Variants in TC2N observed in about 807,000 individuals in gnomAD.
The protein encoded by TC2N is tandem C2 domains nuclear protein.
Under a neutral mutation model 61.9 loss-of-function variants are expected in TC2N, and 51 were observed. The observed-to-expected ratio is 0.82, with a 90% confidence interval of 0.66 to 1.04. The LOEUF (loss-of-function observed/expected upper bound fraction) is 1.04, where lower values mean the gene tolerates loss of function less well. TC2N is among the 50% of genes least tolerant of loss of function. The pLI is 0.00. For missense variants in TC2N, 556 were observed against 566.7 expected, an observed-to-expected ratio of 0.98 and a Z score of 0.19; for synonymous variants, 204 against 192.6, an observed-to-expected ratio of 1.06 and a Z score of -0.49.
At chr14:91,863,565 A>G (rs1379094786) in intron 1 of TC2N, among the ~76,000 whole-genome samples, 6 of 152,220 alleles carry the variant, frequency 3.9e-5, no homozygotes, top group Admixed American at 3.9e-4. Context: ...GTAGATTCAA[A>G]GATTTTTTGA....
chr14:91,799,837 G>C (rs993700582), intron 5 of TC2N, among the ~76,000 whole-genome samples: 1 of 151,910 alleles, frequency 6.6e-6, no homozygotes, highest in Non-Finnish European at 1.5e-5. Flanking sequence ...TAATAAAAAA[G>C]AAACATTTTT....
intron 1 of TC2N, among the ~76,000 whole-genome samples, chr14:91,817,482 T>C (rs1887058610): frequency 6.6e-6 from 1 of 152,058 alleles, no homozygotes; most frequent in Non-Finnish European, 1.5e-5. Flanking sequence ...CTGTCTCCCC[T>C]GTTAGAACAT....
At chr14:91,794,075 T>C (rs1164512906) in intron 8 of TC2N, among the ~76,000 whole-genome samples, 1 of 152,088 alleles carries the variant, frequency 6.6e-6, no homozygotes, top group East Asian at 1.9e-4. Flanking sequence ...GGAGAGAAAA[T>C]CAAATCAGCC....
rs1160741317 is a variant in TC2N, at chr14:91,782,027, G to T, written c.*1073C>A. The T allele has an allele frequency of 1.3e-5, 2 of 151,962 alleles. No individual in the cohort carries two copies. Among genetic ancestry groups the T allele is most frequent in the African/African-American group, 4.8e-5 (2 of 41,400 alleles). 9.4% of individuals were successfully genotyped at this position (151,962 alleles called of 1,614,324 possible). ...CTACTTATTAGCAAAAATAAAGTGAGATTTTCTAAAATCAGGTATAATGTC... is the reference window on the plus strand; with the variant it reads ...CTACTTATTAGCAAAAATAAAGTGATATTTTCTAAAATCAGGTATAATGTC... On this transcript the variant is annotated 3_prime_UTR_variant, in exon 12 of 12. Transcript: ENST00000435962.
intron 11 of TC2N, among the ~76,000 whole-genome samples, chr14:91,783,775 A>T (rs1240008565): frequency 6.6e-6 from 1 of 152,142 alleles, no homozygotes; most frequent in Non-Finnish European, 1.5e-5. Flanking sequence ...TACAAAAGAC[A>T]TCACAATAAT....
rs1395952596 is a variant in TC2N at position 91,829,217 on chromosome 14, T to C, written c.-56-15392A>G. 2.0e-5 allele frequency among the ~76,000 whole-genome samples: 3 copies of C among 152,120 alleles called. No homozygotes were observed. In the East Asian group the frequency reaches 5.8e-4, roughly 29 times the overall value. ...ACGGATTGGTGTCTTTCCTCAGTAC[T>C]GAAAAATTCTCATTCATTATCTCTT... On this transcript the variant is annotated intron_variant, in intron 1 of 11. Transcript: ENST00000435962.
At chr14:91,818,414 G>A (rs1043103201) in intron 1 of TC2N, among the ~76,000 whole-genome samples, 2 of 152,084 alleles carry the variant, frequency 1.3e-5, no homozygotes, top group African/African-American at 4.8e-5. Flanking sequence ...GGATCAAATT[G>A]TTTACACAAA....
intron 1 of TC2N, among the ~76,000 whole-genome samples, chr14:91,852,833 G>A (rs914609480): frequency 2.8e-4 from 42 of 152,304 alleles, no homozygotes; most frequent in African/African-American, 1.0e-3. Flanking sequence ...AGCACTTTGG[G>A]AGGCAGAGGG....
intron 3 of TC2N, among the ~76,000 whole-genome samples, chr14:91,808,556 C>A (rs1244931587): frequency 1.3e-5 from 2 of 152,210 alleles, no homozygotes; most frequent in Non-Finnish European, 2.9e-5. Context: ...TATTTAACTT[C>A]TTTAATTAGG....
Position 91,799,023 on chromosome 14 carries a change from TGAAGAA to T in TC2N, c.597_602del (p.Ser200_Ser201del), listed in dbSNP as rs778997308. 6.0e-5 allele frequency: 96 copies of T among 1,599,516 alleles called. No homozygotes were observed. Among genetic ancestry groups the T allele is most frequent in the Middle Eastern group, 1.7e-4 (1 of 5,750 alleles). On this transcript the variant is annotated inframe_deletion, in exon 6 of 12. Coordinates refer to ENST00000435962, the MANE Select transcript of TC2N (RefSeq NM_001128596.3). ...TGTTACTCCCCTGAGAATTTTTCCT[TGAAGAA>T]GAACTACTGGGTACACTGGACAATG...
chr14:91,840,761 T>A (rs1371003307), intron 1 of TC2N, among the ~76,000 whole-genome samples: 2 of 152,220 alleles, frequency 1.3e-5, no homozygotes, highest in South Asian at 4.1e-4. Flanking sequence ...AGCTAGGAAC[T>A]ATTTGTAGTG....
chr14:91,794,378 C>T (rs1885799864), intron 8 of TC2N, among the ~76,000 whole-genome samples: 1 of 152,110 alleles, frequency 6.6e-6, no homozygotes, highest in South Asian at 2.1e-4. Flanking sequence ...GAAGAAGATG[C>T]CATGTAGGAC....
chr14:91,850,700 A>G (rs931480068), intron 1 of TC2N, among the ~76,000 whole-genome samples: 5 of 152,250 alleles, frequency 3.3e-5, no homozygotes, highest in African/African-American at 1.2e-4. Context: ...TGGGAGGCCA[A>G]GGCCGGCAGA....
chr14:91,867,029 C>A (rs1888717029), intron 1 of TC2N, among the ~76,000 whole-genome samples: 1 of 152,082 alleles, frequency 6.6e-6, no homozygotes, highest in African/African-American at 2.4e-5. Flanking sequence ...ACCCATCAGA[C>A]CACATTTTGA....
chr14:91,782,923 T>C lies in TC2N; in HGVS notation c.*177A>G. 2.0e-6 allele frequency: 1 copy of C among 499,364 alleles called. No individual in the cohort carries two copies. Among genetic ancestry groups the C allele is most frequent in the Non-Finnish European group, 3.5e-6 (1 of 283,218 alleles). 30.9% of individuals were successfully genotyped at this position (499,364 alleles called of 1,614,324 possible). On this transcript the variant is annotated 3_prime_UTR_variant, in exon 12 of 12. Transcript: ENST00000435962. ...AAACATTTCCTTTACTTTGGATATCTGATAAAATTCATTACATTTTCTTAT... is the reference window on the plus strand; with the variant it reads ...AAACATTTCCTTTACTTTGGATATCCGATAAAATTCATTACATTTTCTTAT...
intron 1 of TC2N, among the ~76,000 whole-genome samples, chr14:91,855,880 T>G (rs1192826503): frequency 2.0e-5 from 3 of 151,952 alleles, no homozygotes; most frequent in Non-Finnish European, 4.4e-5. Context: ...AAATAAAAGC[T>G]CCCTCCACTT....
chr14:91,846,088 G>A (rs1436754600), intron 1 of TC2N, among the ~76,000 whole-genome samples: 1 of 152,148 alleles, frequency 6.6e-6, no homozygotes, highest in Non-Finnish European at 1.5e-5. Context: ...CTGCACCTCT[G>A]GGCAGGGAAG....
chr14:91,826,250 G>C (rs1413287579), intron 1 of TC2N, among the ~76,000 whole-genome samples: 1 of 150,762 alleles, frequency 6.6e-6, no homozygotes, highest in African/African-American at 2.4e-5. Context: ...AGCTCAAGAA[G>C]TGGAGGCTGT....
chr14:91,865,809 A>T (rs1028817944), intron 1 of TC2N, among the ~76,000 whole-genome samples: 8 of 152,214 alleles, frequency 5.3e-5, no homozygotes, highest in African/African-American at 1.7e-4. Context: ...GGACCCTGCT[A>T]CTGCACCTAC....
Sources: gnomAD v4.1 joint callset for allele counts (sites outside exome capture counted in the v4.1 genomes callset) on GRCh38, gnomAD v4.1.1 for gene constraint, MANE v1.5 for transcripts, NCBI Gene and HGNC (gene_info 2026-07-23, HGNC 2026-07-21) for gene names.